The following MACROD2 variants were observed in gnomAD, a reference collection of about 807,000 sequenced individuals.
MACROD2 encodes ADP-ribose glycohydrolase MACROD2.
A neutral mutation model predicts 70.4 loss-of-function variants in MACROD2; 36 were observed. That is an observed-to-expected ratio of 0.51 (90% CI 0.39 to 0.68). The LOEUF is 0.68. Ranked by LOEUF, MACROD2 falls within the 30% of genes least tolerant of loss-of-function variation. The pLI is 0.00. For synonymous variants in MACROD2, 172 were observed against 178.8 expected (o/e 0.96, Z 0.30); for missense variants, 496 against 538.4 (o/e 0.92, Z 0.78).
At chr20:14,380,236 A>T (rs779652142) in intron 3 of MACROD2, among the ~76,000 whole-genome samples, 1 of 151,994 alleles carries the variant, frequency 6.6e-6, no homozygotes, top group Admixed American at 6.6e-5. Flanking sequence ...CTTATTTGCT[A>T]TTTGTATGTC....
At chr20:14,577,120 A>G (rs917340539) in intron 4 of MACROD2, among the ~76,000 whole-genome samples, 1 of 152,212 alleles carries the variant, frequency 6.6e-6, no homozygotes, top group Admixed American at 6.5e-5. Context: ...ACATCACTTC[A>G]TCCAAAAGCA....
intron 8 of MACROD2, among the ~76,000 whole-genome samples, chr20:15,594,156 T>C (rs944887247): frequency 1.3e-5 from 2 of 152,216 alleles, no homozygotes; most frequent in African/African-American, 4.8e-5. Flanking sequence ...GACCCACCCA[T>C]ATTTTATGAC....
intron 5 of MACROD2, among the ~76,000 whole-genome samples, chr20:15,126,389 G>A (rs572951075): frequency 6.6e-6 from 1 of 151,872 alleles, no homozygotes; most frequent in East Asian, 1.9e-4. Context: ...CACCCTAGTA[G>A]GTGTGATGTG....
At chr20:14,181,370 C>G (rs1440177436) in intron 3 of MACROD2, among the ~76,000 whole-genome samples, 1 of 151,982 alleles carries the variant, frequency 6.6e-6, no homozygotes, top group Non-Finnish European at 1.5e-5. Flanking sequence ...GCCTGGCCCT[C>G]TGTCATTTCT....
chr20:14,536,411 T>A (rs1050155973), intron 4 of MACROD2, among the ~76,000 whole-genome samples: 11 of 152,250 alleles, frequency 7.2e-5, no homozygotes, highest in Admixed American at 7.2e-4. Flanking sequence ...TTAGGAAGAA[T>A]AAAGAATAAT....
intron 5 of MACROD2, among the ~76,000 whole-genome samples, chr20:15,137,396 C>A (rs1249079315): frequency 2.0e-5 from 3 of 151,756 alleles, no homozygotes; most frequent in Non-Finnish European, 2.9e-5. Flanking sequence ...ATGATGAGTT[C>A]ATGTCTTTTG....
intron 5 of MACROD2, among the ~76,000 whole-genome samples, chr20:14,975,490 G>A (rs575729146): frequency 6.6e-6 from 1 of 152,202 alleles, no homozygotes; most frequent in South Asian, 2.1e-4. Flanking sequence ...GGGAAGCAGG[G>A]TACCTTCGAC....
intron 5 of MACROD2, among the ~76,000 whole-genome samples, chr20:15,066,613 C>T (rs529641014): frequency 3.3e-5 from 5 of 152,184 alleles, no homozygotes; most frequent in Non-Finnish European, 4.4e-5. Context: ...GGAGCAGTGG[C>T]TCATGCCTGT....
chr20:15,759,159 A>AAAAAC (rs1191830973), intron 8 of MACROD2, among the ~76,000 whole-genome samples: 1 of 151,130 alleles, frequency 6.6e-6, no homozygotes, highest in African/African-American at 2.4e-5. Flanking sequence ...AAAAAAAAAA[A>AAAAAC]AAAAAAACAG....
At chr20:15,256,517 C>A (rs1307144718) in intron 6 of MACROD2, among the ~76,000 whole-genome samples, 1 of 150,504 alleles carries the variant, frequency 6.6e-6, no homozygotes, top group Admixed American at 6.6e-5. Flanking sequence ...TAGTAGTCGG[C>A]AAATAATAAA....
chr20:14,600,774 G>T (rs1448465712), intron 4 of MACROD2, among the ~76,000 whole-genome samples: 1 of 152,096 alleles, frequency 6.6e-6, no homozygotes, highest in African/African-American at 2.4e-5. Flanking sequence ...TTTTGTCATT[G>T]CATTTGTATT....
At position 14,989,756 on chromosome 20, in the gene MACROD2, A is replaced by T. The variant is rs142315914; in HGVS notation, c.419-240184A>T. On this transcript the variant is annotated intron_variant, in intron 5 of 17. Transcript: ENST00000684519. ...TGAAATCTAGGTCAAATCCAGTGCT[A>T]TGTTGGGTCCGGTCCGTTTTAGGTC... Among the ~76,000 whole-genome samples, 101 of 152,124 alleles carry T rather than the reference A, an allele frequency of 6.6e-4. 1 individual carries two copies. Among genetic ancestry groups the T allele is most frequent in the Non-Finnish European group, 1.8e-4 (12 of 68,006 alleles).
intron 2 of MACROD2, among the ~76,000 whole-genome samples, chr20:14,007,119 C>T (rs533509458): frequency 1.1e-4 from 16 of 152,136 alleles, no homozygotes; most frequent in African/African-American, 3.1e-4. Context: ...AGATCCATTA[C>T]GTTATTAGGG....
intron 4 of MACROD2, among the ~76,000 whole-genome samples, chr20:14,598,780 C>T (rs1429487313): frequency 6.6e-6 from 1 of 152,060 alleles, no homozygotes; most frequent in Non-Finnish European, 1.5e-5. Flanking sequence ...TTCCTTTTGC[C>T]CTGCAATTTC....
rs372815466 is a variant in MACROD2, at chr20:14,297,088, G to A, written c.272-196391G>A. On this transcript the variant is annotated intron_variant, in intron 3 of 17. Transcript: ENST00000684519. ...TAACTGTTACAAATTGCCGTGAACT[G>A]AGCACATATAAGATGGCAAACTTAA... 2.2e-4 allele frequency among the ~76,000 whole-genome samples: 34 copies of A among 151,864 alleles called. No homozygotes were observed. In the East Asian group the frequency reaches 6.4e-3, roughly 28 times the overall value.
chr20:14,230,695 A>ATG (rs2081801618), intron 3 of MACROD2, among the ~76,000 whole-genome samples: 4 of 100,968 alleles, frequency 4.0e-5, no homozygotes, highest in African/African-American at 1.5e-4. Flanking sequence ...ATATATATAT[A>ATG]TATATGGGCC....
At chr20:14,148,204 C>T (rs1569179851) in intron 3 of MACROD2, among the ~76,000 whole-genome samples, 1 of 152,010 alleles carries the variant, frequency 6.6e-6, no homozygotes, top group Non-Finnish European at 1.5e-5. Flanking sequence ...GATTATCTAC[C>T]CTTTGTTTAT....
At chr20:14,084,365 TGA>T (rs1425359615) in intron 2 of MACROD2, among the ~76,000 whole-genome samples, 2 of 152,152 alleles carry the variant, frequency 1.3e-5, no homozygotes, top group Non-Finnish European at 2.9e-5. Context: ...CTTTTAAAAA[TGA>T]GAGTGTCTCA....
intron 3 of MACROD2, among the ~76,000 whole-genome samples, chr20:14,381,043 A>T (rs969645188): frequency 5.3e-5 from 8 of 152,130 alleles, no homozygotes; most frequent in African/African-American, 1.4e-4. Flanking sequence ...TCATCTCCTG[A>T]TTTATAACTC....
Sources: allele counts gnomAD v4.1 joint callset (sites outside exome capture counted in the v4.1 genomes callset), GRCh38; gene constraint gnomAD v4.1.1; transcripts MANE v1.5; gene names NCBI Gene and HGNC (gene_info 2026-07-23, HGNC 2026-07-21).